MEGF8: variants seen among roughly 807,000 people sequenced by gnomAD.
The protein encoded by MEGF8 is multiple EGF like domains 8, also known as multiple epidermal growth factor-like domains protein 8.
In MEGF8, 156 loss-of-function variants were observed where a neutral mutation model predicts 302.9. The ratio of observed to expected loss-of-function variants is 0.52; its 90% CI spans 0.45 to 0.59. The LOEUF is 0.59. Among genes scored for constraint, MEGF8 ranks in the 20% least tolerant of loss-of-function variants. MEGF8 has a pLI of 0.00. For synonymous variants in MEGF8, 1,621 were observed against 1,660.5 expected, an observed-to-expected ratio of 0.98 and a Z score of 0.58; for missense variants, 3,345 against 3,964.5, an observed-to-expected ratio of 0.84 and a Z score of 4.20.
rs1283029110 is a variant in MEGF8 at position 42,356,931 on chromosome 19, C to T, written c.4780C>T (p.Arg1594Cys). 1.3e-5 allele frequency: 21 copies of T among 1,610,682 alleles called. No homozygotes were observed. Among genetic ancestry groups the T allele is most frequent in the South Asian group, 6.7e-5 (6 of 90,122 alleles). ...GGGACTTACCGCTGGAGGCGTCACC[C>T]GTGATTTCTGGGTCCTCAACCTCAC... Reference protein sequence around the residue: ...LGGLTAGGVTRDFWVLNLTTL... With the variant: ...LGGLTAGGVTCDFWVLNLTTL... Residue 1594 changes from arginine to cysteine, a missense_variant, in exon 27 of 42, where the codon CGT (arginine) becomes TGT (cysteine). Physicochemically the swap from Arg to Cys is radical, Grantham distance 180. Coordinates refer to ENST00000251268, the MANE Select transcript of MEGF8 (RefSeq NM_001271938.2). This position sits in a 1 kb window ranked among gnomAD's most constrained non-coding sequence, Gnocchi z 5.2.
At position 42,353,519 on chromosome 19, in the gene MEGF8, C is replaced by G. The variant is rs1207292619; in HGVS notation, c.3605C>G (p.Ala1202Gly). 1 of 1,609,678 alleles carries G rather than the reference C, an allele frequency of 6.2e-7. No homozygotes were observed. The highest frequency in any genetic ancestry group is 1.3e-5 in the African/African-American group (1 of 74,892). ...TGCCGGCCCGGCAGCTTCGGCAACG[C>G]CACAGGCTCTAGGGGCTGCCGGCCC... ...ERCRPGSFGN[A>G]TGSRGCRPCQ... Residue 1202 changes from alanine (A) to glycine (G), a missense_variant, in exon 21 of 42, where the codon GCC becomes GGC. Physicochemically the swap from Ala to Gly is moderately conservative, Grantham distance 60. Coordinates refer to ENST00000251268, the MANE Select transcript of MEGF8 (RefSeq NM_001271938.2). The surrounding 1 kb of genome is among the most constrained non-coding windows in gnomAD (Gnocchi z 6.1).
rs1346562564 is a variant in MEGF8 at position 42,356,981 on chromosome 19, G to A, written c.4830G>A (p.Lys1610=). 6.3e-7 allele frequency: 1 copy of A among 1,591,212 alleles called. No homozygotes were observed. The highest frequency in any genetic ancestry group is 8.5e-7 in the Non-Finnish European group (1 of 1,169,714). ...CCACCCTGCAATGGCGGCAGGAGAA[G>A]GTGAGCATCTCTCCCCAGCCCACTC... ...NLTTLQWRQE[K]APQTVELPAV... Residue 1610 remains lysine, a splice_region_variant and synonymous_variant, in exon 27 of 42, where the codon AAG becomes AAA. Coordinates refer to ENST00000251268, the MANE Select transcript of MEGF8 (RefSeq NM_001271938.2). The surrounding 1 kb of genome is among the most constrained non-coding windows in gnomAD (Gnocchi z 5.2).
At position 42,363,055 on chromosome 19, in the gene MEGF8, C is replaced by T. The variant is rs1453440168; in HGVS notation, c.6066C>T (p.Thr2022=). 4 of 1,612,398 alleles carry T rather than the reference C, an allele frequency of 2.5e-6. No individual in the cohort carries two copies. The highest frequency in any genetic ancestry group is 1.1e-5 in the South Asian group (1 of 90,866). ...CCCGTGCCCCACCCCCAGGGGAGAC[C>T]CGCCGCATCCTCTCCGTGCAGCCCA... ...WTRQFKRTGE[T]RRILSVQPTY... Residue 2022 remains threonine (T), a synonymous_variant, in exon 35 of 42, where the codon ACC becomes ACT. Coordinates refer to ENST00000251268, the MANE Select transcript of MEGF8 (RefSeq NM_001271938.2).
chr19:42,352,564 C>T lies in MEGF8; in HGVS notation c.3350+108C>T. ...GGGTCCCCTCCTGTGGAACCAGCAT[C>T]CCCAGTTAGCCAGGGGTTTTTACCT... On this transcript the variant is annotated intron_variant, in intron 19 of 41. Transcript: ENST00000251268. This position sits in a 1 kb window ranked among gnomAD's most constrained non-coding sequence, Gnocchi z 4.4. 1.4e-6 allele frequency: 2 copies of T among 1,380,094 alleles called. No homozygotes were observed. The highest frequency in any genetic ancestry group is 1.9e-6 in the Non-Finnish European group (2 of 1,031,064). 85.5% of individuals were successfully genotyped at this position (1,380,094 alleles called of 1,614,324 possible). A position where few individuals can be genotyped will look rare whatever the true frequency, so the allele number is the denominator to read the frequency against.
rs907241217 is a variant in MEGF8 at position 42,348,359 on chromosome 19, A to G, written c.2185A>G (p.Met729Val). Residue 729 changes from methionine to valine, a missense_variant, in exon 13 of 42, where the codon ATG becomes GTG. By Grantham distance (21) the Met-to-Val change is conservative. Coordinates refer to ENST00000251268, the MANE Select transcript of MEGF8 (RefSeq NM_001271938.2). ...SLVYRGFIYP[M>V]LPGGPGGPGA... is the part of the protein sequence containing the mutation. Reference sequence around the variant, plus strand: ...GGTCTACCGTGGCTTCATCTACCCAATGCTGCCTGGAGGGCCAGGTGGACC... The same window carrying G: ...GGTCTACCGTGGCTTCATCTACCCAGTGCTGCCTGGAGGGCCAGGTGGACC... 5.9e-6 allele frequency: 9 copies of G among 1,537,236 alleles called. No individual in the cohort carries two copies. The highest frequency in any genetic ancestry group is 3.9e-5 in the Admixed American group (2 of 50,986).
In MEGF8 at chr19:42,336,837, T is replaced by C. The variant is rs370779185; in HGVS notation, c.1275T>C (p.Leu425=). The C allele has an allele frequency of 4.9e-5, 78 of 1,608,108 alleles. No individual in the cohort carries two copies. The African/African-American group carries it at 8.4e-4, about 17-fold the overall frequency. The change falls in exon 7 of 42, where the codon CTT becomes CTC. Residue 425 remains leucine (L), a synonymous_variant. Transcript: ENST00000251268. This position sits in a 1 kb window ranked among gnomAD's most constrained non-coding sequence, Gnocchi z 4.8. The stretch of plus-strand genomic sequence containing the variant: ...CTGTGCGAGTGAACTCCACTGAGCT[T>C]TTCCACGTGGATCGGCATGTGTGGA... ...RFSVRVNSTE[L]FHVDRHVWTT...
chr19:42,349,742 A>C (rs1002478789), intron 14 of MEGF8, 43 bp downstream of exon 14: 2 of 1,586,370 alleles, frequency 1.3e-6, no homozygotes, highest in Non-Finnish European at 1.7e-6. Context: ...CGCAGGCCCC[A>C]GCCTCAGATC....
chr19:42,332,172 C>T (rs571542661), intron 1 of MEGF8, among the ~76,000 whole-genome samples: 3 of 152,102 alleles, frequency 2.0e-5, no homozygotes, highest in Admixed American at 6.6e-5. Flanking sequence ...GTCACCATTT[C>T]GTGTGCATTA....
At chr19:42,363,529 G>A (rs1305644567) in intron 35 of MEGF8, among the ~76,000 whole-genome samples, 1 of 152,002 alleles carries the variant, frequency 6.6e-6, no homozygotes, top group African/African-American at 2.4e-5. Context: ...CTTGTCCATG[G>A]TATCATGGTC....
chr19:42,332,718 G>A (rs532470069), intron 1 of MEGF8, among the ~76,000 whole-genome samples: 7 of 152,328 alleles, frequency 4.6e-5, no homozygotes, highest in African/African-American at 9.6e-5. Flanking sequence ...AGCATTCTAC[G>A]AGGCCCAGGT....
rs530419141 is a variant in MEGF8 at position 42,342,509 on chromosome 19, C to T, written c.1514-968C>T. ...AAAATTAGCCGGGCTTGGTGGCGGG[C>T]GCCTGTAGTCTCAGCTACTTGGGAG... On this transcript the variant is annotated intron_variant, in intron 8 of 41. Coordinates refer to ENST00000251268, the MANE Select transcript of MEGF8 (RefSeq NM_001271938.2). Among the ~76,000 whole-genome samples, 59 of 152,068 alleles carry T rather than the reference C, an allele frequency of 3.9e-4. 1 individual carries two copies. The Middle Eastern group carries it at 0.017, about 44-fold the overall frequency.
chr19:42,353,127 G>C lies in MEGF8; in HGVS notation c.3550G>C (p.Asp1184His), dbSNP rs1462322609. Residue 1184 changes from aspartate to histidine, a missense_variant and splice_region_variant, in exon 20 of 42, where the codon GAC (aspartate) becomes CAC (histidine). Physicochemically the swap from Asp to His is moderately conservative, Grantham distance 81. Transcript: ENST00000251268. This position sits in a 1 kb window ranked among gnomAD's most constrained non-coding sequence, Gnocchi z 6.1. ...CCCTGGCTTCTGCGACGAGTGCCAG[G>C]GTAAGCAGCCCTTGTCCTGGGCCCA... ...RGPGFCDECQ[D>H]WTWGEHCERC... 7 of 1,543,554 alleles carry C rather than the reference G, an allele frequency of 4.5e-6. No homozygotes were observed. The highest frequency in any genetic ancestry group is 6.1e-6 in the Non-Finnish European group (7 of 1,144,488).
intron 41 of MEGF8, among the ~76,000 whole-genome samples, chr19:42,372,701 A>G (rs1412254431): frequency 6.6e-6 from 1 of 151,628 alleles, no homozygotes; most frequent in Non-Finnish European, 1.5e-5. Flanking sequence ...GACACAGAGT[A>G]TTGCTCTGTT....
Position 42,344,381 on chromosome 19 carries a change from C to A in MEGF8, c.1789-60C>A. 6.6e-7 allele frequency: 1 copy of A among 1,520,718 alleles called. No individual in the cohort carries two copies. Among genetic ancestry groups the A allele is most frequent in the Non-Finnish European group, 8.8e-7 (1 of 1,140,130 alleles). 94.2% of individuals were successfully genotyped at this position (1,520,718 alleles called of 1,614,324 possible). Reference sequence around the variant, plus strand: ...GCAGGACCCTGTATCCACAGCCCTTCCTTCCCAGATCTCTTGAGCTCCAGT... The same window carrying A: ...GCAGGACCCTGTATCCACAGCCCTTACTTCCCAGATCTCTTGAGCTCCAGT... On this transcript the variant is annotated intron_variant, in intron 10 of 41. Coordinates refer to ENST00000251268, the MANE Select transcript of MEGF8 (RefSeq NM_001271938.2). The surrounding 1 kb of genome is among the most constrained non-coding windows in gnomAD (Gnocchi z 4.5).
chr19:42,351,958 G>A lies in MEGF8; in HGVS notation c.3101+197G>A, dbSNP rs958127485. Among the ~76,000 whole-genome samples the A allele has an allele frequency of 4.6e-5, 7 of 151,838 alleles. No individual in the cohort carries two copies. Among genetic ancestry groups the A allele is most frequent in the African/African-American group, 1.7e-4 (7 of 41,296 alleles). On this transcript the variant is annotated intron_variant, in intron 18 of 41. Transcript: ENST00000251268. This position sits in a 1 kb window ranked among gnomAD's most constrained non-coding sequence, Gnocchi z 5.6. Reference sequence around the variant, plus strand: ...TTTTCCTCCTTTTCCGGCTCTCTGCGATTCGTTTTCTTTCTCCTTGTCTGT... The same window carrying A: ...TTTTCCTCCTTTTCCGGCTCTCTGCAATTCGTTTTCTTTCTCCTTGTCTGT...
chr19:42,376,681 G>A lies in MEGF8; in HGVS notation c.8444G>A (p.Gly2815Glu), dbSNP rs1326347816. 6.6e-7 allele frequency: 1 copy of A among 1,517,870 alleles called. No homozygotes were observed. The highest frequency in any genetic ancestry group is 1.4e-5 in the African/African-American group (1 of 73,006). The allele number at this position is 1,517,870 out of a possible 1,614,324, so 94.0% of individuals were successfully genotyped here. ...TLRHRLHEYC[G>E]GGGGAGGSGH... Reference sequence around the variant, plus strand: ...CGGCACAGGCTGCACGAGTACTGTGGGGGTGGTGGGGGTGCTGGGGGCAGT... The same window carrying A: ...CGGCACAGGCTGCACGAGTACTGTGAGGGTGGTGGGGGTGCTGGGGGCAGT... The change falls in exon 42 of 42, where the codon GGG (glycine) becomes GAG (glutamate). Residue 2815 changes from glycine (G) to glutamate (E), a missense_variant. Transcript: ENST00000251268. The surrounding 1 kb of genome is among the most constrained non-coding windows in gnomAD (Gnocchi z 8.2).
At chr19:42,345,614 G>A (rs1388867254) in intron 12 of MEGF8, among the ~76,000 whole-genome samples, 2 of 152,154 alleles carry the variant, frequency 1.3e-5, no homozygotes, top group African/African-American at 4.8e-5. Context: ...AACTTCATTT[G>A]GAAAGGAACT....
In MEGF8 at chr19:42,352,357, G is replaced by A. The variant is rs865798770; in HGVS notation, c.3251G>A (p.Arg1084Gln). 1.4e-5 allele frequency: 23 copies of A among 1,588,542 alleles called. No individual in the cohort carries two copies. Among genetic ancestry groups the A allele is most frequent in the Admixed American group, 1.8e-5 (1 of 55,984 alleles). ...GATGAGTGTCGCCTGGGCCTGGCCC[G>A]GTGCCACCCGCGGGCGACCTGCCTG... The part of the protein sequence containing the change: ...DVDECRLGLA[R>Q]CHPRATCLNT... Residue 1084 changes from arginine (R) to glutamine (Q), a missense_variant, in exon 19 of 42, where the codon CGG becomes CAG. Physicochemically the swap from Arg to Gln is conservative, Grantham distance 43. Transcript: ENST00000251268. The surrounding 1 kb of genome is among the most constrained non-coding windows in gnomAD (Gnocchi z 4.4).
In MEGF8 at chr19:42,326,384, T is replaced by G. The variant is rs2038984012; in HGVS notation, c.141T>G (p.Gly47=). 1.3e-6 allele frequency: 2 copies of G among 1,583,428 alleles called. No individual in the cohort carries two copies. The highest frequency in any genetic ancestry group is 2.8e-5 in the African/African-American group (2 of 72,660). ...LREAPGFVTD[G]AGNYSVNGNC... is the part of the protein sequence containing the mutation. ...AGGCGCCAGGCTTCGTGACGGATGG[T>G]GCGGGCAACTACAGCGTCAATGGCA... The change falls in exon 1 of 42, where the codon GGT becomes GGG. Residue 47 remains glycine (G), a synonymous_variant. Coordinates refer to ENST00000251268, the MANE Select transcript of MEGF8 (RefSeq NM_001271938.2).
Sources: allele counts gnomAD v4.1 joint callset (sites outside exome capture counted in the v4.1 genomes callset), GRCh38; gene constraint gnomAD v4.1.1; non-coding constraint Gnocchi (gnomAD v3.1); transcripts MANE v1.5; gene names NCBI Gene and HGNC (gene_info 2026-07-23, HGNC 2026-07-21).